ADK: variants seen among roughly 807,000 people sequenced by gnomAD.
The protein encoded by ADK is adenosine kinase.
Under a neutral mutation model 44.7 loss-of-function variants are expected in ADK, and 24 were observed. The observed-to-expected ratio is 0.54, with a 90% confidence interval of 0.39 to 0.76. The LOEUF (loss-of-function observed/expected upper bound fraction) is 0.76, where lower values mean the gene tolerates loss of function less well. Ranked by LOEUF, ADK falls within the 30% of genes least tolerant of loss-of-function variation. ADK has a pLI of 0.00. For synonymous variants in ADK, 128 were observed against 142.6 expected (o/e 0.90, Z 0.73); for missense variants, 321 against 425.1 (o/e 0.76, Z 2.15).
chr10:74,420,327 C>T (rs540607862), intron 6 of ADK, among the ~76,000 whole-genome samples: 39 of 152,228 alleles, frequency 2.6e-4, no homozygotes, highest in Non-Finnish European at 3.2e-4. Flanking sequence ...ATCTGTTAGT[C>T]TACTTGAAGA....
In ADK at chr10:74,186,190, TCCTTC is replaced by T. The variant is rs145702466; in HGVS notation, c.66-14552_66-14548del. Reference sequence around the variant, plus strand: ...CCTAAAGTCAAATCAGCCTTCCCTTTCCTTCCCTTCCCTTCCCTTCCCTTCCTTTC... The same window carrying T: ...CCTAAAGTCAAATCAGCCTTCCCTTTCCTTCCCTTCCCTTCCCTTCCTTTC... On this transcript the variant is annotated intron_variant, in intron 1 of 10. Transcript: ENST00000539909. 6.6e-4 allele frequency among the ~76,000 whole-genome samples: 95 copies of T among 143,666 alleles called. 1 individual carries two copies. Among genetic ancestry groups the T allele is most frequent in the African/African-American group, 1.7e-3 (67 of 39,046 alleles). The allele number at this position is 143,666 out of a possible 152,430, so 94.3% of individuals were successfully genotyped here. A position where few individuals can be genotyped will look rare whatever the true frequency, so the allele number is the denominator to read the frequency against.
intron 9 of ADK, among the ~76,000 whole-genome samples, chr10:74,628,592 A>G (rs980972300): frequency 2.0e-5 from 3 of 151,852 alleles, no homozygotes; most frequent in African/African-American, 7.2e-5. Flanking sequence ...CCAAACCACT[A>G]TGCATCCTTT....
At chr10:74,448,722 G>A (rs1845671131) in intron 6 of ADK, among the ~76,000 whole-genome samples, 1 of 151,964 alleles carries the variant, frequency 6.6e-6, no homozygotes, top group Non-Finnish European at 1.5e-5. Flanking sequence ...CTGACATTTA[G>A]GCCAAGAATT....
intron 6 of ADK, among the ~76,000 whole-genome samples, chr10:74,430,672 A>G (rs1347184542): frequency 6.6e-6 from 1 of 152,106 alleles, no homozygotes; most frequent in Non-Finnish European, 1.5e-5. Flanking sequence ...TAATTCTTAC[A>G]TTCTACCACC....
At chr10:74,598,441 CTTTTTTTTT>C (rs915433699) in intron 8 of ADK, among the ~76,000 whole-genome samples, 7 of 111,772 alleles carry the variant, frequency 6.3e-5, no homozygotes, top group South Asian at 2.8e-4. Flanking sequence ...AATCTTATTC[CTTTTTTTTT>C]TTTTTTTTTT....
Position 74,180,244 on chromosome 10 carries a change from A to AATT in ADK, c.66-20513_66-20511dup, listed in dbSNP as rs1554826142. Among the ~76,000 whole-genome samples the AATT allele has an allele frequency of 9.6e-3, 1,399 of 146,008 alleles. 26 individuals carry two copies. Among genetic ancestry groups the AATT allele is most frequent in the African/African-American group, 0.033 (1,325 of 39,616 alleles). ...TATTATTATTATTATTGTTATTATT[A>AATT]ATTATTATTTTGAGACAGTGTCTTG... On this transcript the variant is annotated intron_variant, in intron 1 of 10. Transcript: ENST00000539909.
intron 10 of ADK, among the ~76,000 whole-genome samples, chr10:74,687,659 A>C (rs542315197): frequency 6.6e-6 from 1 of 152,322 alleles, no homozygotes; most frequent in East Asian, 1.9e-4. Flanking sequence ...TCTATCATAC[A>C]ATACATGGAA....
intron 4 of ADK, among the ~76,000 whole-genome samples, chr10:74,387,201 C>T (rs1224390440): frequency 6.6e-6 from 1 of 152,180 alleles, no homozygotes; most frequent in African/African-American, 2.4e-5. Context: ...TTCCAAAGTG[C>T]TGGGATTACA....
At chr10:74,324,870 C>G (rs1374166426) in intron 4 of ADK, among the ~76,000 whole-genome samples, 2 of 152,164 alleles carry the variant, frequency 1.3e-5, no homozygotes, top group Admixed American at 1.3e-4. Context: ...CAGCAGTGTA[C>G]AGGGTTCCCT....
intron 4 of ADK, among the ~76,000 whole-genome samples, chr10:74,365,247 G>T (rs1203278077): frequency 2.0e-5 from 3 of 152,000 alleles, no homozygotes; most frequent in African/African-American, 7.3e-5. Flanking sequence ...ACCCCAAAGG[G>T]AAACTCCATA....
chr10:74,268,869 A>T (rs1846314467), intron 3 of ADK, among the ~76,000 whole-genome samples: 1 of 152,246 alleles, frequency 6.6e-6, no homozygotes, highest in Non-Finnish European at 1.5e-5. Context: ...GTGGGGAAAT[A>T]TAAATTATCT....
intron 3 of ADK, among the ~76,000 whole-genome samples, chr10:74,293,391 A>G (rs909127915): frequency 1.3e-5 from 2 of 152,086 alleles, no homozygotes; most frequent in African/African-American, 4.8e-5. Context: ...GAGTTGTTCA[A>G]AATTAGGGTA....
chr10:74,188,435 G>A (rs1381442648), intron 1 of ADK, among the ~76,000 whole-genome samples: 6 of 133,862 alleles, frequency 4.5e-5, no homozygotes, highest in Non-Finnish European at 6.2e-5. Context: ...TGCAAGCTCC[G>A]CCTCCCGGGT....
chr10:74,304,850 A>G lies in ADK; in HGVS notation c.195-9817A>G, dbSNP rs538008205. Among the ~76,000 whole-genome samples, 44 of 152,312 alleles carry G rather than the reference A, an allele frequency of 2.9e-4. No individual in the cohort carries two copies. In the South Asian group the frequency reaches 8.7e-3, roughly 30 times the overall value. ...TATTCATCAGGCACTATGCTTAAAT[A>G]TCGTGGAACACAAAAAGAAATAGTC... On this transcript the variant is annotated intron_variant, in intron 3 of 10. Transcript: ENST00000539909.
At chr10:74,512,875 TTTTTTGATATAAG>T (rs1848398646) in intron 6 of ADK, among the ~76,000 whole-genome samples, 1 of 152,034 alleles carries the variant, frequency 6.6e-6, no homozygotes, top group Non-Finnish European at 1.5e-5. Context: ...ATCTTTCTTG[TTTTTTGATATAAG>T]CATTTATTCC....
chr10:74,297,608 G>A (rs1839863563), intron 3 of ADK, among the ~76,000 whole-genome samples: 1 of 152,196 alleles, frequency 6.6e-6, no homozygotes. Flanking sequence ...TAAAGTAGGG[G>A]TTGGCAAACT....
At chr10:74,432,521 A>G (rs942852029) in intron 6 of ADK, among the ~76,000 whole-genome samples, 6 of 152,176 alleles carry the variant, frequency 3.9e-5, no homozygotes, top group African/African-American at 1.4e-4. Flanking sequence ...TTTATCTATA[A>G]TCATTTATTG....
chr10:74,630,408 A>G (rs1281084155), intron 9 of ADK, among the ~76,000 whole-genome samples: 1 of 150,490 alleles, frequency 6.6e-6, no homozygotes, highest in Non-Finnish European at 1.5e-5. Flanking sequence ...TTCTGTTACT[A>G]TCTGGCATAA....
At position 74,202,130 on chromosome 10, in the gene ADK, T is replaced by C. The variant is rs555678044; in HGVS notation, c.140+1292T>C. On this transcript the variant is annotated intron_variant, in intron 2 of 10. Transcript: ENST00000539909. ...CCCAGTCTCCTGGGAACTACTAGTATACTTAGTTTTTCTATGAATTTGTCT... is the reference window on the plus strand; with the variant it reads ...CCCAGTCTCCTGGGAACTACTAGTACACTTAGTTTTTCTATGAATTTGTCT... Among the ~76,000 whole-genome samples the C allele has an allele frequency of 2.0e-5, 3 of 152,278 alleles. No individual in the cohort carries two copies. In the South Asian group the frequency reaches 6.2e-4, roughly 32 times the overall value.
Sources: allele counts gnomAD v4.1 joint callset (sites outside exome capture counted in the v4.1 genomes callset), GRCh38; gene constraint gnomAD v4.1.1; transcripts MANE v1.5; gene names NCBI Gene and HGNC (gene_info 2026-07-23, HGNC 2026-07-21).